SEMA6D: variants seen among roughly 807,000 people sequenced by gnomAD.
SEMA6D encodes semaphorin-6D.
SEMA6D carries 35 observed loss-of-function variants against 106.6 expected under a neutral mutation model. The ratio of observed to expected loss-of-function variants is 0.33; its 90% CI spans 0.25 to 0.44. The LOEUF is 0.44. Among genes scored for constraint, SEMA6D ranks in the 20% least tolerant of loss-of-function variants. SEMA6D has a pLI of 1.00. For synonymous variants in SEMA6D, 499 were observed against 487.7 expected (o/e 1.02, Z -0.31); for missense variants, 1,185 against 1,345.9 (o/e 0.88, Z 1.87).
intron 1 of SEMA6D, among the ~76,000 whole-genome samples, chr15:47,364,339 C>T (rs571262854): frequency 9.2e-5 from 14 of 152,232 alleles, no homozygotes; most frequent in Admixed American, 4.6e-4. Flanking sequence ...ATTATATTAT[C>T]GCAGCTTCAA....
chr15:47,557,301 A>G (rs2045943165), intron 3 of SEMA6D, among the ~76,000 whole-genome samples: 1 of 152,178 alleles, frequency 6.6e-6, no homozygotes, highest in Non-Finnish European at 1.5e-5. Context: ...GTTAAAATGA[A>G]AACATAGACT....
intron 1 of SEMA6D, among the ~76,000 whole-genome samples, chr15:47,382,671 C>A (rs1367357888): frequency 1.3e-5 from 2 of 152,224 alleles, no homozygotes; most frequent in Non-Finnish European, 2.9e-5. Flanking sequence ...TCTGTCCTCA[C>A]AGAATGTGAA....
intron 3 of SEMA6D, among the ~76,000 whole-genome samples, chr15:47,579,814 A>G (rs1280473868): frequency 2.0e-5 from 3 of 152,194 alleles, no homozygotes; most frequent in Admixed American, 2.0e-4. Flanking sequence ...TCAACTCTCC[A>G]TAAGATTGAG....
chr15:47,770,574 G>A lies in SEMA6D; in HGVS notation c.2011G>A (p.Ala671Thr). ...TGTCCTCATCACCTGTGTCTTTGCTGCTTTTGTTTTGGGGGCATTCATTGC... is the reference window on the plus strand; with the variant it reads ...TGTCCTCATCACCTGTGTCTTTGCTACTTTTGTTTTGGGGGCATTCATTGC... The part of the protein sequence containing the change: ...MNVLITCVFA[A>T]FVLGAFIAGV... The change falls in exon 19 of 19, where the codon GCT becomes ACT. Residue 671 changes from alanine (A) to threonine (T), a missense_variant. This residue lies in a region of SEMA6D where 750 missense variants were observed against 783.5 expected (regional missense o/e 0.96). Coordinates refer to ENST00000536845, the MANE Select transcript of SEMA6D (RefSeq NM_001358351.3). 6.2e-7 allele frequency: 1 copy of A among 1,613,970 alleles called. No homozygotes were observed. Among genetic ancestry groups the A allele is most frequent in the South Asian group, 1.1e-5 (1 of 91,068 alleles).
chr15:47,314,202 T>C (rs1367391173), intron 1 of SEMA6D, among the ~76,000 whole-genome samples: 1 of 152,182 alleles, frequency 6.6e-6, no homozygotes, highest in East Asian at 1.9e-4. Context: ...GGAACTTCTT[T>C]TCATATGATT....
chr15:47,528,912 C>T lies in SEMA6D; in HGVS notation c.-87+58367C>T, dbSNP rs139559199. Among the ~76,000 whole-genome samples, 3 of 152,238 alleles carry T rather than the reference C, an allele frequency of 2.0e-5. No individual in the cohort carries two copies. The East Asian group carries it at 5.8e-4, about 29-fold the overall frequency. Reference sequence around the variant, plus strand: ...ATAATAGCCTACTATTGTCTGAAGTCTTATCTATAACATAAATAGTTGCTT... The same window carrying T: ...ATAATAGCCTACTATTGTCTGAAGTTTTATCTATAACATAAATAGTTGCTT... On this transcript the variant is annotated intron_variant, in intron 3 of 19. Coordinates refer to the SEMA6D transcript ENST00000558014.
intron 1 of SEMA6D, among the ~76,000 whole-genome samples, chr15:47,409,808 A>G (rs1024659808): frequency 6.7e-6 from 1 of 149,644 alleles, no homozygotes; most frequent in African/African-American, 2.4e-5. Context: ...ATCTGATGCA[A>G]GCCCTGGACA....
At chr15:47,426,039 A>C (rs771851620) in intron 2 of SEMA6D, among the ~76,000 whole-genome samples, 1 of 152,088 alleles carries the variant, frequency 6.6e-6, no homozygotes, top group African/African-American at 2.4e-5. Flanking sequence ...TGCTCTATAT[A>C]CTAATAAATG....
Position 47,402,081 on chromosome 15 carries a change from A to G in SEMA6D, c.-238-10312A>G, listed in dbSNP as rs549486940. ...TCCAATAGAATGTTCTAGGGTGATG[A>G]AAATGTTCAGTATCTGTACTGCATG... On this transcript the variant is annotated intron_variant, in intron 1 of 19. Transcript: ENST00000558014. 1.4e-4 allele frequency among the ~76,000 whole-genome samples: 22 copies of G among 152,334 alleles called. No homozygotes were observed. In the East Asian group the frequency reaches 4.2e-3, roughly 29 times the overall value.
intron 3 of SEMA6D, among the ~76,000 whole-genome samples, chr15:47,556,053 T>C (rs2045905645): frequency 6.6e-6 from 1 of 152,144 alleles, no homozygotes; most frequent in African/African-American, 2.4e-5. Context: ...AAGGCCTCAT[T>C]AGAAGCCAGA....
chr15:47,395,887 C>T (rs1181290466), intron 1 of SEMA6D, among the ~76,000 whole-genome samples: 1 of 152,168 alleles, frequency 6.6e-6, no homozygotes, highest in African/African-American at 2.4e-5. Flanking sequence ...TTGTAGATTG[C>T]ATGTTTGCAT....
intron 3 of SEMA6D, among the ~76,000 whole-genome samples, chr15:47,597,788 T>C (rs1369633303): frequency 1.3e-5 from 2 of 151,270 alleles, no homozygotes; most frequent in African/African-American, 2.4e-5. Flanking sequence ...GAACAAATGA[T>C]AACTATTTAA....
At chr15:47,280,506 G>GT (rs1302868708) in intron 1 of SEMA6D, among the ~76,000 whole-genome samples, 1 of 122,380 alleles carries the variant, frequency 8.2e-6, no homozygotes, top group Non-Finnish European at 1.7e-5. Context: ...TTTTTGAAGG[G>GT]TTTTTTGTGT....
intron 1 of SEMA6D, among the ~76,000 whole-genome samples, chr15:47,313,486 G>C (rs1308988093): frequency 2.0e-5 from 3 of 152,138 alleles, no homozygotes; most frequent in Admixed American, 2.0e-4. Flanking sequence ...CTATTATTTG[G>C]ATATACTATA....
intron 1 of SEMA6D, among the ~76,000 whole-genome samples, chr15:47,349,388 A>G (rs2038219275): frequency 6.6e-6 from 1 of 152,168 alleles, no homozygotes; most frequent in Non-Finnish European, 1.5e-5. Flanking sequence ...ATGACTCTAC[A>G]GGGCATGTTG....
At chr15:47,417,901 T>C (rs2041027680) in intron 2 of SEMA6D, among the ~76,000 whole-genome samples, 1 of 152,102 alleles carries the variant, frequency 6.6e-6, no homozygotes, top group Admixed American at 6.6e-5. Context: ...GTTTTGTGTA[T>C]TGGGGATACT....
intron 4 of SEMA6D, among the ~76,000 whole-genome samples, chr15:47,602,712 A>C (rs1017936841): frequency 6.6e-6 from 1 of 152,098 alleles, no homozygotes; most frequent in African/African-American, 2.4e-5. Context: ...CCTGGATCTC[A>C]TTATTGCTTC....
chr15:47,638,914 T>C (rs2077439753), intron 4 of SEMA6D, among the ~76,000 whole-genome samples: 1 of 152,210 alleles, frequency 6.6e-6, no homozygotes, highest in African/African-American at 2.4e-5. Flanking sequence ...TAGCACTTGG[T>C]CTCAGGAAAA....
chr15:47,238,418 C>A (rs1394708882), intron 1 of SEMA6D, among the ~76,000 whole-genome samples: 1 of 152,062 alleles, frequency 6.6e-6, no homozygotes, highest in African/African-American at 2.4e-5. Flanking sequence ...CCAGAGTATA[C>A]CTGAACCCAT....
Sources: allele counts gnomAD v4.1 joint callset (sites outside exome capture counted in the v4.1 genomes callset), GRCh38; gene constraint gnomAD v4.1.1; regional missense constraint gnomAD v4.1.1; transcripts MANE v1.5; gene names NCBI Gene and HGNC (gene_info 2026-07-23, HGNC 2026-07-21).